Variants in TAT observed in about 807,000 individuals in gnomAD.
TAT encodes tyrosine aminotransferase, also known as L-tyrosine:2-oxoglutarate aminotransferase.
Under a neutral mutation model 53.6 loss-of-function variants are expected in TAT, and 35 were observed. That is an observed-to-expected ratio of 0.65 (90% CI 0.50 to 0.87). TAT has a LOEUF of 0.87. TAT is among the 40% of genes least tolerant of loss of function. The pLI is 0.00. For missense variants in TAT, 525 were observed against 571.8 expected (o/e 0.92, Z 0.83); for synonymous variants, 197 against 206.5 (o/e 0.95, Z 0.39).
At chr16:71,570,947 G>T in intron 7 of TAT, 116 bp from the exon 8 acceptor site, 2 of 1,273,922 alleles carry the variant, frequency 1.6e-6, no homozygotes, top group Non-Finnish European at 2.2e-6. Context: ...GGATTAATGG[G>T]ATCATCCCTA....
chr16:71,569,806 T>G (rs1489807925), intron 10 of TAT, 48 bp downstream of exon 10: 2 of 1,569,634 alleles, frequency 1.3e-6, no homozygotes, highest in African/African-American at 2.7e-5. Flanking sequence ...TGACTGCCCT[T>G]TGCCTTACAA....
intron 1 of TAT, among the ~76,000 whole-genome samples, chr16:71,576,775 C>A (rs921372341): frequency 6.6e-6 from 1 of 152,124 alleles, no homozygotes; most frequent in Non-Finnish European, 1.5e-5. Context: ...CCTTTCCATG[C>A]GAGCCTATCC....
At chr16:71,570,190 G>A in intron 9 of TAT, 79 bp downstream of exon 9, 1 of 1,605,958 alleles carries the variant, frequency 6.2e-7, no homozygotes, top group Non-Finnish European at 8.5e-7. Context: ...CCAGAAAGGA[G>A]AACCAATTAT....
rs149896507 is a variant in TAT, at chr16:71,573,298, G to A, written c.408+241C>T. 1.3e-3 allele frequency among the ~76,000 whole-genome samples: 191 copies of A among 151,966 alleles called. 2 individuals carry two copies. The East Asian group carries it at 0.015, about 12-fold the overall frequency. On this transcript the variant is annotated intron_variant, in intron 4 of 11. Coordinates refer to ENST00000355962, the MANE Select transcript of TAT (RefSeq NM_000353.3). ...ATATAGGTGCTCTCTGGATCCTTTC[G>A]GCCTCCTTGAGACAGACACCACATT...
Position 71,568,223 on chromosome 16 carries a change from T to C in TAT, c.1286A>G (p.Glu429Gly). ...GAACTCCTGGATCCGGCTGCACGCCTCCAGCATCATCACCTCGGGGACTGT... is the reference window on the plus strand; with the variant it reads ...GAACTCCTGGATCCGGCTGCACGCCCCCAGCATCATCACCTCGGGGACTGT... ...VITVPEVMMLEACSRIQEFCE... is the reference protein window; with the variant it reads ...VITVPEVMMLGACSRIQEFCE... The change falls in exon 12 of 12, where the codon GAG becomes GGG. Residue 429 changes from glutamate to glycine, a missense_variant. Coordinates refer to ENST00000355962, the MANE Select transcript of TAT (RefSeq NM_000353.3). The C allele has an allele frequency of 6.2e-7, 1 of 1,614,182 alleles. No individual in the cohort carries two copies. The highest frequency in any genetic ancestry group is 8.5e-7 in the Non-Finnish European group (1 of 1,180,024).
In TAT at chr16:71,570,393, C is replaced by A; in HGVS notation, c.917G>T (p.Arg306Leu). 6.2e-7 allele frequency: 1 copy of A among 1,614,160 alleles called. No homozygotes were observed. Among genetic ancestry groups the A allele is most frequent in the Non-Finnish European group, 8.5e-7 (1 of 1,180,042 alleles). ...DRRDIFGNEIRDGLVKLSQRI... is the reference protein window; with the variant it reads ...DRRDIFGNEILDGLVKLSQRI... ...CTGACTCAGCTTCACCAGCCCATCT[C>A]GGATCTAAAAGACACCCACAAGAAA... The change falls in exon 9 of 12, where the codon CGA becomes CTA. Residue 306 changes from arginine (R) to leucine (L), a missense_variant. Transcript: ENST00000355962.
intron 10 of TAT, among the ~76,000 whole-genome samples, chr16:71,569,394 T>A (rs769233092): frequency 2.0e-5 from 3 of 152,086 alleles, no homozygotes; most frequent in Non-Finnish European, 4.4e-5. Flanking sequence ...GGGAGTACAG[T>A]GGCACGATTA....
intron 3 of TAT, 70 bp from the exon 4 acceptor site, chr16:71,573,676 C>T: frequency 7.2e-7 from 1 of 1,382,372 alleles, no homozygotes; most frequent in Non-Finnish European, 1.0e-6. Context: ...GTCACCCGGA[C>T]TTGGAGTGCA....
chr16:71,569,778 T>C, intron 10 of TAT, 76 bp downstream of exon 10: 1 of 1,404,914 alleles, frequency 7.1e-7, no homozygotes, highest in East Asian at 2.4e-5. Flanking sequence ...CGTGACTGCC[T>C]GTGGCAATTC....
rs372390397 is a variant in TAT at position 71,571,678 on chromosome 16, A to G, written c.707-20T>C. On this transcript the variant is annotated intron_variant, in intron 6 of 11. Transcript: ENST00000355962. ...CAGCCACTGAAAATAAAACATGCTG[A>G]AATCAGTTTTAATGTGAATTGCTTT... is the stretch of plus-strand genomic sequence containing the variant. The G allele has an allele frequency of 6.2e-7, 1 of 1,612,816 alleles. No individual in the cohort carries two copies. Among genetic ancestry groups the G allele is most frequent in the African/African-American group, 1.3e-5 (1 of 74,928 alleles).
At chr16:71,569,831 G>C in intron 10 of TAT, 23 bp downstream of exon 10, 2 of 1,609,848 alleles carry the variant, frequency 1.2e-6, no homozygotes, top group South Asian at 1.1e-5. Context: ...CATTGACCTA[G>C]TGCCTGCCAC....
chr16:71,573,080 A>G (rs2145233439), intron 4 of TAT, among the ~76,000 whole-genome samples: 1 of 152,350 alleles, frequency 6.6e-6, no homozygotes, highest in African/African-American at 2.4e-5. Flanking sequence ...AGAGGGAAGG[A>G]CATCATTTAA....
intron 4 of TAT, 85 bp from the exon 5 acceptor site, chr16:71,572,773 C>G (rs954507065): frequency 6.8e-7 from 1 of 1,476,920 alleles, no homozygotes; most frequent in African/African-American, 1.4e-5. Context: ...GAGTTGGGAG[C>G]AATTGTGAAC....
At position 71,570,749 on chromosome 16, in the gene TAT, C is replaced by T. The variant is rs768158086; in HGVS notation, c.842G>A (p.Arg281His). Residue 281 changes from arginine to histidine, a missense_variant, in exon 8 of 12, where the codon CGC becomes CAC. Coordinates refer to ENST00000355962, the MANE Select transcript of TAT (RefSeq NM_000353.3). ...PILSCGGLAKRWLVPGWRLGW... is the reference protein window; with the variant it reads ...PILSCGGLAKHWLVPGWRLGW... ...CAACCTCCAGCCAGGAACCAGCCAG[C>T]GCTTGGCCAGCCCTCCACAGGACAG... is the stretch of plus-strand genomic sequence containing the variant. 1.5e-5 allele frequency: 25 copies of T among 1,614,100 alleles called. No homozygotes were observed. Among genetic ancestry groups the T allele is most frequent in the Middle Eastern group, 1.6e-4 (1 of 6,084 alleles).
Position 71,576,409 on chromosome 16 carries a change from G to T in TAT, c.7C>A (p.Pro3Thr). 1 of 1,614,098 alleles carries T rather than the reference G, an allele frequency of 6.2e-7. No individual in the cohort carries two copies. The highest frequency in any genetic ancestry group is 8.5e-7 in the Non-Finnish European group (1 of 1,179,996). Residue 3 changes from proline (P) to threonine (T), a missense_variant, in exon 2 of 12, where the codon CCA (proline) becomes ACA (threonine). Pro to Thr is a conservative substitution (Grantham distance 38). Coordinates refer to ENST00000355962, the MANE Select transcript of TAT (RefSeq NM_000353.3). The part of the protein sequence containing the change: MD[P>T]YMIQMSSKGN... ...TTGCTGCTCATCTGAATCATGTATG[G>T]GTCCATCACTAGCGAAGCCTGCGAG...
chr16:71,575,127 T>C (rs2044226893), intron 3 of TAT: 1 of 152,212 alleles, frequency 6.6e-6, no homozygotes, highest in African/African-American at 2.4e-5. Context: ...CTTTATAAAA[T>C]GTAAGTAATC....
rs2044210750 is a variant in TAT, at chr16:71,572,639, G to A, written c.458C>T (p.Ala153Val). The A allele has an allele frequency of 1.2e-6, 2 of 1,614,214 alleles. No individual in the cohort carries two copies. Among genetic ancestry groups the A allele is most frequent in the South Asian group, 2.2e-5 (2 of 91,084 alleles). The change falls in exon 5 of 12, where the codon GCT (alanine) becomes GTT (valine). Residue 153 changes from alanine (A) to valine (V), a missense_variant. Ala to Val is a moderately conservative substitution (Grantham distance 64). Transcript: ENST00000355962. The part of the protein sequence containing the change: ...GCSQAIDLCL[A>V]VLANPGQNIL... Reference sequence around the variant, plus strand: ...GTTTTGCCCTGGGTTGGCCAACACAGCTAAACAAAGGTCAATAGCTTGGCT... The same window carrying A: ...GTTTTGCCCTGGGTTGGCCAACACAACTAAACAAAGGTCAATAGCTTGGCT...
intron 1 of TAT, among the ~76,000 whole-genome samples, chr16:71,576,769 T>C (rs939935796): frequency 1.3e-5 from 2 of 152,180 alleles, no homozygotes; most frequent in African/African-American, 2.4e-5. Context: ...CTCCTTCCTT[T>C]CCATGCGAGC....
In TAT at chr16:71,570,156, G is replaced by A. The variant is rs564003853; in HGVS notation, c.1041+113C>T. 144 of 1,535,702 alleles carry A rather than the reference G, an allele frequency of 9.4e-5. No individual in the cohort carries two copies. The East Asian group carries it at 9.7e-4, about 10-fold the overall frequency. ...GTGTGTGGATGCTTACACCGATGCCGTCTCCTAATATTGGAACATGGCTCC... is the reference window on the plus strand; with the variant it reads ...GTGTGTGGATGCTTACACCGATGCCATCTCCTAATATTGGAACATGGCTCC... On this transcript the variant is annotated intron_variant, in intron 9 of 11. Transcript: ENST00000355962.
Sources: gnomAD v4.1 joint callset for allele counts (sites outside exome capture counted in the v4.1 genomes callset) on GRCh38, gnomAD v4.1.1 for gene constraint, MANE v1.5 for transcripts, NCBI Gene and HGNC (gene_info 2026-07-23, HGNC 2026-07-21) for gene names.